The following AKAP3 variants were observed in gnomAD, a reference collection of about 807,000 sequenced individuals.
AKAP3 encodes the protein A-kinase anchoring protein 3.
AKAP3 carries 27 observed loss-of-function variants against 57.2 expected under a neutral mutation model. The observed-to-expected ratio is 0.47, with a 90% CI of 0.35 to 0.65. The LOEUF is 0.65. AKAP3 is among the 30% of genes least tolerant of loss of function. The probability of loss-of-function intolerance (pLI) is 0.01; values close to 1 mark genes in which losing one functional copy is unlikely to be tolerated. For missense variants in AKAP3, 959 were observed against 1,040.0 expected, an observed-to-expected ratio of 0.92 and a Z score of 1.07; for synonymous variants, 334 against 392.3, an observed-to-expected ratio of 0.85 and a Z score of 1.76.
intron 4 of AKAP3, among the ~76,000 whole-genome samples, chr12:4,637,102 G>A (rs1433812595): frequency 6.6e-6 from 1 of 152,208 alleles, no homozygotes; most frequent in Non-Finnish European, 1.5e-5. Context: ...ATTAGATTAT[G>A]AGATCCTTAA....
chr12:4,622,823 A>G (rs971200318), intron 5 of AKAP3, among the ~76,000 whole-genome samples: 3 of 152,040 alleles, frequency 2.0e-5, no homozygotes, highest in African/African-American at 7.3e-5. Context: ...AATAGAAACT[A>G]TTAATAGAGT....
At position 4,627,353 on chromosome 12, in the gene AKAP3, T is replaced by C; in HGVS notation, c.1549A>G (p.Met517Val). Reference protein sequence around the residue: ...PYPPEKPENFMYDSDSWAEDL... With the variant: ...PYPPEKPENFVYDSDSWAEDL... ...TCGGCCCAGGAGTCTGAATCATACA[T>C]AAAATTCTCAGGTTTCTCTGGAGGA... The change falls in exon 5 of 6, where the codon ATG becomes GTG. Residue 517 changes from methionine to valine, a missense_variant. Met to Val is a conservative substitution (Grantham distance 21). Coordinates refer to ENST00000228850, the MANE Select transcript of AKAP3 (RefSeq NM_001278309.2). 4 of 1,614,112 alleles carry C rather than the reference T, an allele frequency of 2.5e-6. No homozygotes were observed. Among genetic ancestry groups the C allele is most frequent in the Non-Finnish European group, 2.5e-6 (3 of 1,180,018 alleles).
chr12:4,626,960 C>G lies in AKAP3; in HGVS notation c.1942G>C (p.Gly648Arg). The change falls in exon 5 of 6, where the codon GGT becomes CGT. Residue 648 changes from glycine to arginine, a missense_variant. Coordinates refer to ENST00000228850, the MANE Select transcript of AKAP3 (RefSeq NM_001278309.2). ...PRLYEDDETP[G>R]ALSGLTKMAV... is the part of the protein sequence containing the mutation. The stretch of plus-strand genomic sequence containing the variant: ...ATCTTGGTCAGCCCAGAAAGGGCAC[C>G]AGGGGTCTCATCATCCTCATATAGC... The G allele has an allele frequency of 6.2e-7, 1 of 1,614,098 alleles. No homozygotes were observed. Among genetic ancestry groups the G allele is most frequent in the Middle Eastern group, 1.7e-4 (1 of 6,058 alleles).
At chr12:4,633,279 G>T (rs926474310) in intron 4 of AKAP3, among the ~76,000 whole-genome samples, 3 of 151,594 alleles carry the variant, frequency 2.0e-5, no homozygotes, top group African/African-American at 4.8e-5. Context: ...TATTTTAAAA[G>T]ATAAATAAAA....
At chr12:4,638,020 G>T in intron 4 of AKAP3, 81 bp downstream of exon 4, 1 of 1,161,400 alleles carries the variant, frequency 8.6e-7, no homozygotes, top group Non-Finnish European at 1.3e-6. Context: ...GAGGTTGGTG[G>T]TATGGTGGAG....
chr12:4,630,732 C>A (rs952193540), intron 4 of AKAP3, among the ~76,000 whole-genome samples: 6 of 152,138 alleles, frequency 3.9e-5, no homozygotes, highest in African/African-American at 1.4e-4. Context: ...CAACTGACAT[C>A]AATGCAATAT....
chr12:4,628,704 T>C lies in AKAP3; in HGVS notation c.198A>G (p.Ser66=). The C allele has an allele frequency of 6.2e-7, 1 of 1,614,214 alleles. No homozygotes were observed. The highest frequency in any genetic ancestry group is 1.1e-5 in the South Asian group (1 of 91,086). The change falls in exon 5 of 6, where the codon TCA becomes TCG. Residue 66 remains serine (S), a synonymous_variant. Coordinates refer to ENST00000228850, the MANE Select transcript of AKAP3 (RefSeq NM_001278309.2). ...FQDVRFKPGE[S]FGGETSNSGD... ...CTGAGTTGGACGTTTCCCCACCAAA[T>C]GATTCTCCGGGTTTGAACCGAACAT... is the stretch of plus-strand genomic sequence containing the variant.
At position 4,627,624 on chromosome 12, in the gene AKAP3, A is replaced by G; in HGVS notation, c.1278T>C (p.Ser426=). 1 of 1,614,060 alleles carries G rather than the reference A, an allele frequency of 6.2e-7. No individual in the cohort carries two copies. The highest frequency in any genetic ancestry group is 8.5e-7 in the Non-Finnish European group (1 of 1,180,028). The change falls in exon 5 of 6, where the codon TCT becomes TCC. Residue 426 remains serine (S), a synonymous_variant. Coordinates refer to ENST00000228850, the MANE Select transcript of AKAP3 (RefSeq NM_001278309.2). ...KNRNVNFAMK[S]ETKLREKMYS... ...ACATTTTTTCTCTCAATTTAGTTTCAGATTTCATGGCAAAGTTCACATTTC... is the reference window on the plus strand; with the variant it reads ...ACATTTTTTCTCTCAATTTAGTTTCGGATTTCATGGCAAAGTTCACATTTC...
chr12:4,631,429 A>G, intron 4 of AKAP3: 1 of 683,088 alleles, frequency 1.5e-6, no homozygotes, highest in South Asian at 1.6e-5. Context: ...GTGGGGCTGA[A>G]AGTTTAGAAT....
rs752854503 is a variant in AKAP3, at chr12:4,615,684, C to A, written c.*55G>T. 2 of 1,575,138 alleles carry A rather than the reference C, an allele frequency of 1.3e-6. No individual in the cohort carries two copies. Among genetic ancestry groups the A allele is most frequent in the East Asian group, 4.5e-5 (2 of 44,316 alleles). On this transcript the variant is annotated 3_prime_UTR_variant, in exon 6 of 6. Transcript: ENST00000228850. ...GAGATGTGGAAGTGAGAAAGAAGGG[C>A]GGGGATAAGGGCCGGCCCCACTGCC...
chr12:4,615,813 CCTT>C lies in AKAP3; in HGVS notation c.2485_2487del (p.Lys829del), dbSNP rs759768208. 7.4e-6 allele frequency: 12 copies of C among 1,614,076 alleles called. No homozygotes were observed. The highest frequency in any genetic ancestry group is 2.2e-5 in the South Asian group (2 of 91,082). ...CCCACCGCCTCATTCAGCTGGCGCT[CCTT>C]CTCATAGCGCAGCACCGACTGCAGA... On this transcript the variant is annotated inframe_deletion, in exon 6 of 6. Transcript: ENST00000228850.
chr12:4,632,728 C>T (rs763336040), intron 4 of AKAP3, among the ~76,000 whole-genome samples: 30 of 152,170 alleles, frequency 2.0e-4, no homozygotes, highest in Non-Finnish European at 2.9e-5. Flanking sequence ...GCAAGCTCTG[C>T]CTCCCGAGTT....
chr12:4,628,458 A>G lies in AKAP3; in HGVS notation c.444T>C (p.Asp148=), dbSNP rs773926624. The G allele has an allele frequency of 1.9e-6, 3 of 1,614,076 alleles. No individual in the cohort carries two copies. The African/African-American group carries it at 4.0e-5, about 22-fold the overall frequency. ...GATAGACACATTTGTTTTCAGAGCC[A>G]TCGATCTTCTCATTGATCTCTTTGC... is the stretch of plus-strand genomic sequence containing the variant. The part of the protein sequence containing the change: ...MARKEINEKI[D]GSENKCVYQS... Residue 148 remains aspartate, a synonymous_variant, in exon 5 of 6, where the codon GAT becomes GAC. Transcript: ENST00000228850.
intron 4 of AKAP3, among the ~76,000 whole-genome samples, chr12:4,637,193 C>T (rs140873875): frequency 1.1e-3 from 166 of 152,358 alleles, no homozygotes; most frequent in African/African-American, 3.9e-3. Flanking sequence ...GACTTACTGT[C>T]TCTCACTCCA....
chr12:4,615,700 C>G lies in AKAP3; in HGVS notation c.*39G>C, dbSNP rs769919563. ...AAAGAAGGGCGGGGATAAGGGCCGG[C>G]CCCACTGCCAGAAGAGGGGAAAGCA... On this transcript the variant is annotated 3_prime_UTR_variant, in exon 6 of 6. Transcript: ENST00000228850. The G allele has an allele frequency of 5.6e-6, 9 of 1,599,698 alleles. No individual in the cohort carries two copies. In the South Asian group the frequency reaches 1.0e-4, roughly 18 times the overall value.
At chr12:4,647,838 G>A (rs1346820837) in intron 1 of AKAP3, 1 of 147,196 alleles carries the variant, frequency 6.8e-6, no homozygotes, top group Non-Finnish European at 1.5e-5. Flanking sequence ...TTTGTTAGGC[G>A]ACACTTCAGT....
intron 4 of AKAP3, among the ~76,000 whole-genome samples, chr12:4,632,313 C>T (rs566813287): frequency 1.2e-3 from 185 of 152,290 alleles, no homozygotes; most frequent in African/African-American, 4.2e-3. Context: ...TGTAGGAAGT[C>T]GTCGTCATGT....
chr12:4,629,520 C>T (rs1945471159), intron 4 of AKAP3, among the ~76,000 whole-genome samples: 1 of 152,146 alleles, frequency 6.6e-6, no homozygotes, highest in Admixed American at 6.5e-5. Context: ...GGAAAAATAA[C>T]TAATGGGTAC....
In AKAP3 at chr12:4,620,625, C is replaced by T. The variant is rs116806601; in HGVS notation, c.2407-4731G>A. On this transcript the variant is annotated intron_variant, in intron 5 of 5. Transcript: ENST00000228850. ...TAATGATGTTTCAGTGAACCACAGA[C>T]TGTACATATGATGGTGGTTCCATAT... is the stretch of plus-strand genomic sequence containing the variant. Among the ~76,000 whole-genome samples, 888 of 152,180 alleles carry T rather than the reference C, an allele frequency of 5.8e-3. 7 individuals are homozygous for T. Among genetic ancestry groups the T allele is most frequent in the African/African-American group, 0.02 (845 of 41,508 alleles).
Sources: gnomAD v4.1 joint callset for allele counts (sites outside exome capture counted in the v4.1 genomes callset) on GRCh38, gnomAD v4.1.1 for gene constraint, MANE v1.5 for transcripts, NCBI Gene and HGNC (gene_info 2026-07-23, HGNC 2026-07-21) for gene names.